The following DNAH8 variants were observed in gnomAD, a reference collection of about 807,000 sequenced individuals.
The protein encoded by DNAH8 is dynein axonemal heavy chain 8.
DNAH8 carries 382 observed loss-of-function variants against 562.1 expected under a neutral mutation model. That is an observed-to-expected ratio of 0.68 (90% CI 0.63 to 0.74). The LOEUF (loss-of-function observed/expected upper bound fraction) is 0.74. DNAH8 is among the 30% of genes least tolerant of loss of function. The pLI is 0.00. For missense variants in DNAH8, 5,203 were observed against 5,620.4 expected, an observed-to-expected ratio of 0.93 and a Z score of 2.37; for synonymous variants, 1,881 against 1,919.4, an observed-to-expected ratio of 0.98 and a Z score of 0.52.
At chr6:39,026,407 CTGGGGTT>C (rs1303147477) in intron 91 of DNAH8, 132 bp from the exon 92 acceptor site, 2 of 780,940 alleles carry the variant, frequency 2.6e-6, no homozygotes, top group East Asian at 5.1e-5. Context: ...AATGTCTCCC[CTGGGGTT>C]TGGCCTCAAC....
At chr6:38,729,637 C>T (rs1275157959) in intron 3 of DNAH8, among the ~76,000 whole-genome samples, 1 of 152,184 alleles carries the variant, frequency 6.6e-6, no homozygotes, top group Non-Finnish European at 1.5e-5. Context: ...GTTGGACTCA[C>T]CTATTTAACC....
intron 39 of DNAH8, 138 bp downstream of exon 39, chr6:38,851,812 T>G (rs1311116586): frequency 1.5e-6 from 1 of 665,654 alleles, no homozygotes; most frequent in Middle Eastern, 2.5e-4. Flanking sequence ...AATTTCATAT[T>G]TTCTGTGTAT....
intron 73 of DNAH8, among the ~76,000 whole-genome samples, chr6:38,924,726 ACT>A (rs1194650203): frequency 6.6e-6 from 1 of 151,952 alleles, no homozygotes; most frequent in Non-Finnish European, 1.5e-5. Flanking sequence ...CCTTCTTATA[ACT>A]CTTCATTATT....
intron 83 of DNAH8, chr6:38,972,202 G>A (rs191282832): frequency 6.6e-6 from 1 of 152,236 alleles, no homozygotes; most frequent in East Asian, 1.9e-4. Flanking sequence ...TTCTAGAAAT[G>A]CTCTGTAGAT....
intron 89 of DNAH8, among the ~76,000 whole-genome samples, chr6:39,010,213 A>G (rs1027447953): frequency 1.4e-4 from 22 of 152,182 alleles, no homozygotes; most frequent in African/African-American, 5.1e-4. Context: ...AGAGACATCT[A>G]AAACTTGTCC....
In DNAH8 at chr6:38,886,810, G is replaced by T. The variant is rs543347999; in HGVS notation, c.8279G>T (p.Arg2760Leu). The change falls in exon 57 of 93, where the codon CGA becomes CTA. Residue 2760 changes from arginine to leucine, a missense_variant. Coordinates refer to ENST00000327475, the MANE Select transcript of DNAH8 (RefSeq NM_001206927.2). ...WGDQITNEIVRQMMEMEGMYS... is the reference protein window; with the variant it reads ...WGDQITNEIVLQMMEMEGMYS... ...TTTCAGATAACTAATGAGATTGTGC[G>T]ACAGATGATGGAAATGGAAGGAATG... The T allele has an allele frequency of 6.2e-7, 1 of 1,613,780 alleles. No individual in the cohort carries two copies. Among genetic ancestry groups the T allele is most frequent in the African/African-American group, 1.3e-5 (1 of 74,924 alleles).
At chr6:38,850,614 T>A (rs747273867) in intron 38 of DNAH8, among the ~76,000 whole-genome samples, 200 bp downstream of exon 38, 3 of 152,206 alleles carry the variant, frequency 2.0e-5, no homozygotes, top group Non-Finnish European at 4.4e-5. Flanking sequence ...ATTAGTTTCG[T>A]CAGGCTGCTA....
chr6:38,873,463 T>A, intron 52 of DNAH8, 87 bp downstream of exon 52: 1 of 1,207,510 alleles, frequency 8.3e-7, no homozygotes, highest in African/African-American at 1.5e-5. Context: ...AATAGAAAGT[T>A]CAGACAGTCC....
At position 39,012,520 on chromosome 6, in the gene DNAH8, T is replaced by C. The variant is rs759822978; in HGVS notation, c.13597T>C (p.Ser4533Pro). ...PQLWKRVSWD[S>P]STLGFWFTEL... is the part of the protein sequence containing the mutation. ...GCTCTGGAAAAGAGTGTCTTGGGAT[T>C]CGTCCACACTGGGCTTCTGGTTCAC... Residue 4533 changes from serine (S) to proline (P), a missense_variant, in exon 91 of 93, where the codon TCG becomes CCG. Coordinates refer to ENST00000327475, the MANE Select transcript of DNAH8 (RefSeq NM_001206927.2). 45 of 1,614,010 alleles carry C rather than the reference T, an allele frequency of 2.8e-5. No individual in the cohort carries two copies. The highest frequency in any genetic ancestry group is 3.7e-5 in the Non-Finnish European group (44 of 1,179,962).
At chr6:38,821,296 A>G (rs1378585349) in intron 26 of DNAH8, among the ~76,000 whole-genome samples, 1 of 152,244 alleles carries the variant, frequency 6.6e-6, no homozygotes, top group East Asian at 1.9e-4. Flanking sequence ...AGGTCTGTAC[A>G]CTGAAACTGC....
intron 82 of DNAH8, among the ~76,000 whole-genome samples, chr6:38,965,119 G>A (rs956963915): frequency 1.3e-4 from 20 of 149,754 alleles, no homozygotes; most frequent in African/African-American, 4.9e-4. Flanking sequence ...ATAAAATAAT[G>A]TATAATACAT....
chr6:38,908,299 A>G (rs1328565368), intron 64 of DNAH8, among the ~76,000 whole-genome samples, 179 bp downstream of exon 64: 1 of 152,200 alleles, frequency 6.6e-6, no homozygotes, highest in African/African-American at 2.4e-5. Flanking sequence ...GTGTAATTTA[A>G]AATATTCATA....
At position 38,853,408 on chromosome 6, in the gene DNAH8, T is replaced by C. The variant is rs1775922588; in HGVS notation, c.5733+61T>C. On this transcript the variant is annotated intron_variant, in intron 41 of 92. Coordinates refer to ENST00000327475, the MANE Select transcript of DNAH8 (RefSeq NM_001206927.2). ...AAATGGAAATAAAGGGGAAGGATGC[T>C]TAGCAGGTGGTTGACCTGATGGTGT... The C allele has an allele frequency of 4.5e-6, 7 of 1,571,018 alleles. No homozygotes were observed. In the South Asian group the frequency reaches 4.6e-5, roughly 10 times the overall value.
At chr6:38,856,278 T>A (rs981279206) in intron 41 of DNAH8, among the ~76,000 whole-genome samples, 2 of 152,178 alleles carry the variant, frequency 1.3e-5, no homozygotes, top group African/African-American at 4.8e-5. Context: ...AGCATTCTTG[T>A]TTTGCTGTTT....
chr6:38,979,209 G>A (rs1171965954), intron 85 of DNAH8, among the ~76,000 whole-genome samples: 2 of 152,136 alleles, frequency 1.3e-5, no homozygotes, highest in Non-Finnish European at 2.9e-5. Context: ...CTGATTGAAC[G>A]TCTCCTTCAG....
At chr6:39,015,553 C>G (rs1030294842) in intron 91 of DNAH8, among the ~76,000 whole-genome samples, 1 of 152,182 alleles carries the variant, frequency 6.6e-6, no homozygotes, top group Non-Finnish European at 1.5e-5. Context: ...TTCACTCTCT[C>G]TCTCCTGCCT....
chr6:38,747,384 C>CTTTTTTTTTTTT (rs55729629), intron 8 of DNAH8, among the ~76,000 whole-genome samples: 3 of 113,776 alleles, frequency 2.6e-5, no homozygotes, highest in Non-Finnish European at 3.5e-5. Context: ...TTTTCTTTTT[C>CTTTTTTTTTTTT]TTTTTTTTTT....
chr6:38,992,937 T>G (rs1423452455), intron 88 of DNAH8, among the ~76,000 whole-genome samples: 1 of 152,220 alleles, frequency 6.6e-6, no homozygotes, highest in Non-Finnish European at 1.5e-5. Flanking sequence ...TTTTGATCCA[T>G]TTGCTTTTTC....
At chr6:38,841,725 ATT>A (rs376088517) in intron 33 of DNAH8, among the ~76,000 whole-genome samples, 5 of 147,588 alleles carry the variant, frequency 3.4e-5, no homozygotes, top group African/African-American at 1.2e-4. Flanking sequence ...CACATGTGGG[ATT>A]TTTTTTTTTG....
Sources: gnomAD v4.1 joint callset for allele counts (sites outside exome capture counted in the v4.1 genomes callset) on GRCh38, gnomAD v4.1.1 for gene constraint, MANE v1.5 for transcripts, NCBI Gene and HGNC (gene_info 2026-07-23, HGNC 2026-07-21) for gene names.